ST6GALNAC5: variants seen among roughly 807,000 people sequenced by gnomAD.
ST6GALNAC5 encodes the protein alpha-N-acetylgalactosaminide alpha-2,6-sialyltransferase 5.
Under a neutral mutation model 33.6 loss-of-function variants are expected in ST6GALNAC5, and 27 were observed. That is an observed-to-expected ratio of 0.80 (90% CI 0.59 to 1.11). The LOEUF (loss-of-function observed/expected upper bound fraction) is 1.11. ST6GALNAC5 is among the 50% of genes least tolerant of loss of function. The probability of loss-of-function intolerance (pLI) is 0.00; values close to 1 mark genes in which losing one functional copy is unlikely to be tolerated. For synonymous variants in ST6GALNAC5, 194 were observed against 171.2 expected (o/e 1.13, Z -1.04); for missense variants, 428 against 454.0 (o/e 0.94, Z 0.52).
At chr1:77,000,921 A>G (rs1373630752) in intron 2 of ST6GALNAC5, among the ~76,000 whole-genome samples, 2 of 151,980 alleles carry the variant, frequency 1.3e-5, no homozygotes, top group Admixed American at 6.6e-5. Flanking sequence ...GAAGTCAGGT[A>G]GCGTGATGCC....
rs570611340 is a variant in ST6GALNAC5 at position 76,893,478 on chromosome 1, T to C, written c.261+24736T>C. Among the ~76,000 whole-genome samples the C allele has an allele frequency of 1.4e-3, 209 of 152,310 alleles. 1 individual carries two copies. Among genetic ancestry groups the C allele is most frequent in the African/African-American group, 4.8e-3 (198 of 41,572 alleles). ...ATTTTGGGCAATTTACTTAATTATA[T>C]TTGATCTTCAATCCGCTGTATAATG... is the stretch of plus-strand genomic sequence containing the variant. On this transcript the variant is annotated intron_variant, in intron 2 of 4. Coordinates refer to ENST00000477717, the MANE Select transcript of ST6GALNAC5 (RefSeq NM_030965.3).
At chr1:76,891,335 A>G (rs1336486080) in intron 2 of ST6GALNAC5, among the ~76,000 whole-genome samples, 1 of 152,178 alleles carries the variant, frequency 6.6e-6, no homozygotes, top group Non-Finnish European at 1.5e-5. Flanking sequence ...ATTTGCATTT[A>G]TTTAATGAAG....
intron 2 of ST6GALNAC5, among the ~76,000 whole-genome samples, chr1:76,914,713 T>C (rs376242557): frequency 2.6e-4 from 40 of 152,038 alleles, no homozygotes; most frequent in African/African-American, 7.0e-4. Flanking sequence ...AAGACTTAAA[T>C]GTTAGACCTA....
chr1:77,047,973 A>G (rs1652072905), intron 3 of ST6GALNAC5, among the ~76,000 whole-genome samples: 1 of 152,252 alleles, frequency 6.6e-6, no homozygotes, highest in Non-Finnish European at 1.5e-5. Flanking sequence ...GAGTTCAACA[A>G]AGAGTTTTAG....
chr1:76,986,255 A>G (rs1174198404), intron 2 of ST6GALNAC5, among the ~76,000 whole-genome samples: 1 of 150,278 alleles, frequency 6.7e-6, no homozygotes, highest in East Asian at 2.0e-4. Flanking sequence ...AAATTTTTGC[A>G]ATCTACACAT....
chr1:76,875,031 T>G (rs1653604863), intron 2 of ST6GALNAC5, among the ~76,000 whole-genome samples: 1 of 152,228 alleles, frequency 6.6e-6, no homozygotes, highest in Non-Finnish European at 1.5e-5. Context: ...ACATCTTATG[T>G]CACATGATAA....
intron 2 of ST6GALNAC5, among the ~76,000 whole-genome samples, chr1:76,919,524 C>A (rs1024817589): frequency 3.9e-5 from 6 of 152,218 alleles, no homozygotes; most frequent in African/African-American, 1.4e-4. Flanking sequence ...GGACAAGGTG[C>A]CTTTCCTCTG....
intron 2 of ST6GALNAC5, among the ~76,000 whole-genome samples, chr1:76,914,352 T>C (rs1428968487): frequency 2.0e-5 from 3 of 152,166 alleles, no homozygotes; most frequent in African/African-American, 7.2e-5. Flanking sequence ...TTAAAGTTCA[T>C]GTGGAACCAA....
intron 2 of ST6GALNAC5, among the ~76,000 whole-genome samples, chr1:76,909,116 GT>G (rs1189238107): frequency 6.6e-6 from 1 of 152,038 alleles, no homozygotes; most frequent in African/African-American, 2.4e-5. Context: ...TTCATTTTAT[GT>G]TGAAATTATT....
chr1:76,878,096 G>A (rs1394635179), intron 2 of ST6GALNAC5, among the ~76,000 whole-genome samples: 1 of 152,142 alleles, frequency 6.6e-6, no homozygotes, highest in Non-Finnish European at 1.5e-5. Flanking sequence ...ACAGGGATGT[G>A]GTAGGACTCA....
chr1:77,044,963 AT>A (rs1379928614), intron 3 of ST6GALNAC5, among the ~76,000 whole-genome samples: 1 of 152,122 alleles, frequency 6.6e-6, no homozygotes, highest in Non-Finnish European at 1.5e-5. Flanking sequence ...ATATGGGTTT[AT>A]TTTTTCCCAT....
At chr1:77,008,632 C>A (rs1354390767) in intron 2 of ST6GALNAC5, among the ~76,000 whole-genome samples, 1 of 152,108 alleles carries the variant, frequency 6.6e-6, no homozygotes, top group African/African-American at 2.4e-5. Context: ...TGGGTTCAAG[C>A]AATTCTCCTG....
intron 2 of ST6GALNAC5, among the ~76,000 whole-genome samples, chr1:77,021,310 TG>T (rs1016669527): frequency 1.3e-5 from 2 of 152,150 alleles, no homozygotes; most frequent in African/African-American, 4.8e-5. Flanking sequence ...CCAAATTGGT[TG>T]GGGGCAGGGG....
chr1:77,031,117 C>G (rs966117144), intron 2 of ST6GALNAC5, among the ~76,000 whole-genome samples: 5 of 152,196 alleles, frequency 3.3e-5, no homozygotes, highest in Non-Finnish European at 5.9e-5. Flanking sequence ...AAGATTAAAG[C>G]AGGTGGCAAA....
At chr1:77,046,550 C>A (rs1409693651) in intron 3 of ST6GALNAC5, among the ~76,000 whole-genome samples, 2 of 152,164 alleles carry the variant, frequency 1.3e-5, no homozygotes, top group Non-Finnish European at 2.9e-5. Flanking sequence ...GCAGCCCAGC[C>A]AGCAGATCAC....
chr1:76,984,237 A>G (rs1448093958), intron 2 of ST6GALNAC5, among the ~76,000 whole-genome samples: 1 of 152,238 alleles, frequency 6.6e-6, no homozygotes, highest in Non-Finnish European at 1.5e-5. Context: ...GTTTTTTGAA[A>G]AGATTAACAA....
intron 2 of ST6GALNAC5, among the ~76,000 whole-genome samples, chr1:77,031,884 G>A (rs900975888): frequency 6.6e-5 from 10 of 152,186 alleles, no homozygotes; most frequent in African/African-American, 2.4e-4. Flanking sequence ...GTAGGAAAGA[G>A]AGACATTGAA....
At chr1:76,942,159 C>T (rs1557731210) in intron 2 of ST6GALNAC5, among the ~76,000 whole-genome samples, 1 of 152,112 alleles carries the variant, frequency 6.6e-6, no homozygotes, top group Non-Finnish European at 1.5e-5. Flanking sequence ...CATTTATTCC[C>T]TCTTCTCATG....
chr1:76,959,982 G>C lies in ST6GALNAC5; in HGVS notation c.262-84222G>C, dbSNP rs569224704. On this transcript the variant is annotated intron_variant, in intron 2 of 4. Coordinates refer to ENST00000477717, the MANE Select transcript of ST6GALNAC5 (RefSeq NM_030965.3). ...AAGAAAGACACCTGAGCGGGAGTGG[G>C]TAGAAGAAGTATTATGCAGCCTCTA... 1.9e-3 allele frequency among the ~76,000 whole-genome samples: 287 copies of C among 152,272 alleles called. 1 individual carries two copies. Among genetic ancestry groups the C allele is most frequent in the Non-Finnish European group, 3.4e-3 (231 of 68,024 alleles).
Sources: gnomAD v4.1 joint callset for allele counts (sites outside exome capture counted in the v4.1 genomes callset) on GRCh38, gnomAD v4.1.1 for gene constraint, MANE v1.5 for transcripts, NCBI Gene and HGNC (gene_info 2026-07-23, HGNC 2026-07-21) for gene names.